Variants in STARD13 observed in about 807,000 individuals in gnomAD.
STARD13 encodes StAR related lipid transfer domain containing 13, also known as stAR-related lipid transfer protein 13.
Under a neutral mutation model 106.4 loss-of-function variants are expected in STARD13, and 62 were observed. That is an observed-to-expected ratio of 0.58 (90% CI 0.48 to 0.72). STARD13 has a LOEUF of 0.72. Among genes scored for constraint, STARD13 ranks in the 30% least tolerant of loss-of-function variants. The probability of loss-of-function intolerance (pLI) is 0.00; values close to 1 mark genes in which losing one functional copy is unlikely to be tolerated. For synonymous variants in STARD13, 565 were observed against 553.0 expected, an observed-to-expected ratio of 1.02 and a Z score of -0.31; for missense variants, 1,387 against 1,424.0, an observed-to-expected ratio of 0.97 and a Z score of 0.42.
chr13:33,538,889 C>T, the STARD13 span, among the ~76,000 whole-genome samples: 1 of 151,994 alleles, frequency 6.6e-6, no homozygotes, highest in African/African-American at 2.4e-5. Flanking sequence ...CCTGCCTCAG[C>T]CTCCTGAGTA....
At chr13:33,662,887 G>A in the STARD13 span, among the ~76,000 whole-genome samples, 3 of 152,136 alleles carry the variant, frequency 2.0e-5, no homozygotes, top group Non-Finnish European at 4.4e-5. Flanking sequence ...AAAAAATTTG[G>A]TTTCCATAGC....
At chr13:33,436,976 A>T in the STARD13 span, among the ~76,000 whole-genome samples, 1 of 152,096 alleles carries the variant, frequency 6.6e-6, no homozygotes, top group East Asian at 1.9e-4. Flanking sequence ...TTGTATATGG[A>T]GGGGCCCCTT....
chr13:33,664,682 A>G, the STARD13 span, among the ~76,000 whole-genome samples: 3 of 152,238 alleles, frequency 2.0e-5, no homozygotes, highest in Non-Finnish European at 4.4e-5. Context: ...GCTGGAGTGC[A>G]GTAGCCCAAT....
the STARD13 span, among the ~76,000 whole-genome samples, chr13:33,395,942 A>G: frequency 6.6e-6 from 1 of 152,132 alleles, no homozygotes; most frequent in Admixed American, 6.6e-5. Context: ...CCTGTGCTCA[A>G]GTGATCCTCC....
chr13:33,567,426 C>T, the STARD13 span, among the ~76,000 whole-genome samples: 1 of 147,982 alleles, frequency 6.8e-6, no homozygotes, highest in African/African-American at 2.5e-5. Context: ...CACAAATTGA[C>T]AGAAGAATCA....
At chr13:33,461,488 G>A in the STARD13 span, among the ~76,000 whole-genome samples, 3 of 152,264 alleles carry the variant, frequency 2.0e-5, no homozygotes, top group South Asian at 6.2e-4. Flanking sequence ...AGAGATAAGG[G>A]TTCCTCAGTG....
Position 33,129,523 on chromosome 13 carries a change from T to A in STARD13, c.1154A>T (p.His385Leu), listed in dbSNP as rs1877868312. Reference sequence around the variant, plus strand: ...CAAATTCTCTTGGGAGTGAAATTCATGCATACGGCTTTGGTCCCCTGCATC... The same window carrying A: ...CAAATTCTCTTGGGAGTGAAATTCAAGCATACGGCTTTGGTCCCCTGCATC... ...LPDAGDQSRM[H>L]EFHSQENLVV... The change falls in exon 5 of 14, where the codon CAT becomes CTT. Residue 385 changes from histidine (H) to leucine (L), a missense_variant. His to Leu is a moderately conservative substitution (Grantham distance 99). Coordinates refer to ENST00000336934, the MANE Select transcript of STARD13 (RefSeq NM_178006.4). 1 of 1,614,110 alleles carries A rather than the reference T, an allele frequency of 6.2e-7. No homozygotes were observed. The highest frequency in any genetic ancestry group is 1.3e-5 in the African/African-American group (1 of 74,946).
chr13:33,180,377 T>C (rs1885117539), intron 1 of STARD13: 1 of 152,206 alleles, frequency 6.6e-6, no homozygotes, highest in Admixed American at 6.5e-5. Context: ...ATGCCTGATA[T>C]GCGGGGATCT....
Position 33,118,137 on chromosome 13 carries a change from G to A in STARD13, c.2209C>T (p.Gln737Ter). Residue 737 changes from glutamine (Q) to a stop codon, truncating the protein, a stop_gained, in exon 8 of 14, where the codon CAG becomes TAG. Transcript: ENST00000336934. LOFTEE classifies it high-confidence loss of function. ...SAYDVADMVK[Q>*]FFRDLPEPLF... is the part of the protein sequence containing the mutation. ...GGCTCAGGGAGGTCCCGGAAGAACT[G>A]TTTCACCATATCCGCCACATCATAA... is the stretch of plus-strand genomic sequence containing the variant. 6.2e-7 allele frequency: 1 copy of A among 1,614,206 alleles called. No homozygotes were observed. Among genetic ancestry groups the A allele is most frequent in the Non-Finnish European group, 8.5e-7 (1 of 1,180,044 alleles).
the STARD13 span, among the ~76,000 whole-genome samples, chr13:33,650,575 T>C: frequency 6.6e-6 from 1 of 152,366 alleles, no homozygotes; most frequent in South Asian, 2.1e-4. Context: ...GAATTCTTAA[T>C]CTTTACTCTA....
At chr13:33,529,305 G>T in the STARD13 span, among the ~76,000 whole-genome samples, 1 of 152,178 alleles carries the variant, frequency 6.6e-6, no homozygotes, top group Non-Finnish European at 1.5e-5. Flanking sequence ...GAACACAGAA[G>T]AGTCATCATG....
chr13:33,467,862 GGAAAGAACAGAA>G, the STARD13 span, among the ~76,000 whole-genome samples: 2 of 152,108 alleles, frequency 1.3e-5, no homozygotes, highest in Admixed American at 6.5e-5. Flanking sequence ...GCTGTTCAAG[GGAAAGAACAGAA>G]GAAAGAACAG....
the STARD13 span, among the ~76,000 whole-genome samples, chr13:33,380,806 C>T: frequency 2.0e-5 from 3 of 152,038 alleles, no homozygotes; most frequent in Non-Finnish European, 2.9e-5. Flanking sequence ...AGAGGGTACC[C>T]GTGCCAGGTT....
chr13:33,239,190 T>C (rs1030308943), intron 1 of STARD13, among the ~76,000 whole-genome samples: 22 of 152,206 alleles, frequency 1.4e-4, no homozygotes, highest in African/African-American at 5.1e-4. Flanking sequence ...ACACACGTTG[T>C]AGCATATAAC....
rs773065704 is a variant in STARD13, at chr13:33,329,962, C to G, written c.124+20328G>C. 4.6e-4 allele frequency among the ~76,000 whole-genome samples: 70 copies of G among 152,138 alleles called. 2 individuals carry two copies. The highest frequency in any genetic ancestry group is 8.8e-5 in the Non-Finnish European group (6 of 68,018). ...CAAGTGATCCGCCCCCATCAGCCTC[C>G]CAAAGTGCTGGGATTACAGGCGTGA... On this transcript the variant is annotated intron_variant, in intron 1 of 5. Coordinates refer to the STARD13 transcript ENST00000567873.
intron 10 of STARD13, among the ~76,000 whole-genome samples, chr13:33,111,547 A>C (rs531025702): frequency 2.0e-5 from 3 of 152,364 alleles, no homozygotes; most frequent in Admixed American, 6.5e-5. Flanking sequence ...CAGGTGATGC[A>C]CTGTTTGCAT....
the STARD13 span, among the ~76,000 whole-genome samples, chr13:33,462,290 C>T: frequency 3.3e-5 from 5 of 152,216 alleles, no homozygotes; most frequent in African/African-American, 9.6e-5. Context: ...AAACAGCTCA[C>T]TTTCCCCAGT....
chr13:33,219,813 C>A (rs370209878), intron 1 of STARD13, among the ~76,000 whole-genome samples: 714 of 116,594 alleles, frequency 6.1e-3, no homozygotes, highest in Middle Eastern at 9.7e-3. Flanking sequence ...TAAAAACAAA[C>A]AAAAAAAAAA....
intron 1 of STARD13, among the ~76,000 whole-genome samples, chr13:33,243,083 T>C (rs746708095): frequency 1.3e-5 from 2 of 152,168 alleles, no homozygotes; most frequent in Non-Finnish European, 2.9e-5. Context: ...TCCTACTCTA[T>C]TGCTGTTTTG....
Sources: allele counts gnomAD v4.1 joint callset (sites outside exome capture counted in the v4.1 genomes callset), GRCh38; gene constraint gnomAD v4.1.1; transcripts MANE v1.5; gene names NCBI Gene and HGNC (gene_info 2026-07-23, HGNC 2026-07-21).